KALRN: variants seen among roughly 807,000 people sequenced by gnomAD.
KALRN encodes kalirin RhoGEF kinase.
In KALRN, 70 loss-of-function variants were observed where a neutral mutation model predicts 353.7. The observed-to-expected ratio is 0.20, with a 90% confidence interval of 0.16 to 0.24. The LOEUF (loss-of-function observed/expected upper bound fraction) is 0.24. Ranked by LOEUF, KALRN falls within the 10% of genes least tolerant of loss-of-function variation. The probability of loss-of-function intolerance (pLI) is 1.00; values close to 1 mark genes in which losing one functional copy is unlikely to be tolerated. For synonymous variants in KALRN, 1,391 were observed against 1,434.8 expected (o/e 0.97, Z 0.69); for missense variants, 2,791 against 3,756.7 (o/e 0.74, Z 6.72).
chr3:124,491,517 T>A, intron 31 of KALRN, 93 bp downstream of exon 31: 2 of 840,642 alleles, frequency 2.4e-6, no homozygotes, highest in African/African-American at 1.7e-5. Flanking sequence ...GCCCAGAGAC[T>A]CTACTGAGCC....
At chr3:124,510,765 C>T (rs895923172) in intron 33 of KALRN, among the ~76,000 whole-genome samples, 66 of 152,110 alleles carry the variant, frequency 4.3e-4, no homozygotes, top group African/African-American at 1.5e-3. Context: ...ACCTCATGCT[C>T]CCAATGAGAA....
At chr3:124,538,596 A>G (rs2068737975) in intron 33 of KALRN, among the ~76,000 whole-genome samples, 1 of 152,228 alleles carries the variant, frequency 6.6e-6, no homozygotes, top group Non-Finnish European at 1.5e-5. Flanking sequence ...GGAGGGAGAC[A>G]GACCTTTCCC....
intron 34 of KALRN, among the ~76,000 whole-genome samples, chr3:124,582,123 C>G (rs1325211285): frequency 6.6e-6 from 1 of 151,434 alleles, no homozygotes; most frequent in Non-Finnish European, 1.5e-5. Flanking sequence ...CGGGTTCAAG[C>G]AATTCTCCTG....
At chr3:124,572,644 A>G (rs2073667930) in intron 34 of KALRN, among the ~76,000 whole-genome samples, 1 of 152,206 alleles carries the variant, frequency 6.6e-6, no homozygotes, top group Non-Finnish European at 1.5e-5. Context: ...AAGGGTAGAA[A>G]TGTTAAGTAA....
chr3:124,180,928 G>A (rs1416764064), intron 1 of KALRN, among the ~76,000 whole-genome samples: 1 of 151,794 alleles, frequency 6.6e-6, no homozygotes, highest in Non-Finnish European at 1.5e-5. Context: ...TAATAAGTCA[G>A]GTATCAGAAC....
chr3:124,156,237 C>A (rs2068973602), intron 1 of KALRN, among the ~76,000 whole-genome samples: 1 of 152,194 alleles, frequency 6.6e-6, no homozygotes, highest in African/African-American at 2.4e-5. Context: ...ACCCGAAAGT[C>A]TTGGCTGCCA....
chr3:124,473,049 C>T (rs866805110), intron 25 of KALRN, among the ~76,000 whole-genome samples: 6 of 152,118 alleles, frequency 3.9e-5, no homozygotes, highest in African/African-American at 1.4e-4. Context: ...ATCTATTATC[C>T]CATCAATTAT....
At chr3:124,468,912 T>C (rs1360824090) in intron 25 of KALRN, among the ~76,000 whole-genome samples, 2 of 152,218 alleles carry the variant, frequency 1.3e-5, no homozygotes, top group Non-Finnish European at 2.9e-5. Flanking sequence ...GCTATCAACA[T>C]TGGGGCTGAT....
At chr3:124,592,626 C>T (rs150477886) in intron 34 of KALRN, among the ~76,000 whole-genome samples, 16 of 152,290 alleles carry the variant, frequency 1.1e-4, no homozygotes, top group African/African-American at 2.6e-4. Context: ...AAATCATAAC[C>T]GGCTGCCCTC....
intron 51 of KALRN, among the ~76,000 whole-genome samples, chr3:124,693,413 T>C (rs2061915315): frequency 1.3e-5 from 2 of 152,096 alleles, no homozygotes; most frequent in African/African-American, 4.8e-5. Flanking sequence ...TTTATGATGC[T>C]AGGAAGAATC....
intron 25 of KALRN, among the ~76,000 whole-genome samples, chr3:124,472,459 G>T (rs1291237491): frequency 1.3e-5 from 2 of 152,172 alleles, no homozygotes; most frequent in East Asian, 3.8e-4. Flanking sequence ...AGAGGCCAAG[G>T]CAAGAGGACT....
At chr3:124,253,358 G>A (rs919463728) in intron 3 of KALRN, among the ~76,000 whole-genome samples, 1 of 152,220 alleles carries the variant, frequency 6.6e-6, no homozygotes, top group Non-Finnish European at 1.5e-5. Context: ...GGGTAGACAT[G>A]GGTGCAGCAC....
At chr3:124,254,231 A>G (rs1299354746) in intron 3 of KALRN, among the ~76,000 whole-genome samples, 1 of 152,130 alleles carries the variant, frequency 6.6e-6, no homozygotes, top group East Asian at 1.9e-4. Flanking sequence ...ATGGTTTTAT[A>G]AAAGACCTGG....
chr3:124,503,242 G>A (rs1464559764), intron 33 of KALRN, among the ~76,000 whole-genome samples: 1 of 152,220 alleles, frequency 6.6e-6, no homozygotes, highest in East Asian at 1.9e-4. Context: ...TGTTACCAGG[G>A]CCTGGAGTAG....
At chr3:124,603,014 C>T (rs1162858063) in intron 34 of KALRN, among the ~76,000 whole-genome samples, 1 of 151,962 alleles carries the variant, frequency 6.6e-6, no homozygotes, top group Non-Finnish European at 1.5e-5. Flanking sequence ...AGTGCAATTT[C>T]ACATCATGTG....
chr3:124,239,392 T>G (rs1347694812), intron 3 of KALRN, among the ~76,000 whole-genome samples: 2 of 152,228 alleles, frequency 1.3e-5, no homozygotes, highest in African/African-American at 4.8e-5. Context: ...ACTGTTAGCC[T>G]GCTTTGTCAC....
chr3:124,517,250 G>A (rs1210761620), intron 33 of KALRN, among the ~76,000 whole-genome samples: 2 of 152,104 alleles, frequency 1.3e-5, no homozygotes, highest in Non-Finnish European at 2.9e-5. Context: ...TCTCCTCTCT[G>A]AATCCTAAGT....
At chr3:124,622,483 GT>G (rs555369924) in intron 34 of KALRN, among the ~76,000 whole-genome samples, 6 of 152,162 alleles carry the variant, frequency 3.9e-5, no homozygotes, top group Non-Finnish European at 8.8e-5. Flanking sequence ...TTGAAACCGA[GT>G]TTTTTCATTT....
chr3:124,332,343 TTCA>T (rs1439718440), intron 8 of KALRN, among the ~76,000 whole-genome samples: 3 of 152,024 alleles, frequency 2.0e-5, no homozygotes, highest in Non-Finnish European at 4.4e-5. Context: ...GGCAAACAGC[TTCA>T]TCATCAGAGG....
Sources: gnomAD v4.1 joint callset for allele counts (sites outside exome capture counted in the v4.1 genomes callset) on GRCh38, gnomAD v4.1.1 for gene constraint, MANE v1.5 for transcripts, NCBI Gene and HGNC (gene_info 2026-07-23, HGNC 2026-07-21) for gene names.